CDKAL1: variants seen among roughly 807,000 people sequenced by gnomAD.
CDKAL1 encodes the protein CDKAL1 threonylcarbamoyladenosine tRNA methylthiotransferase.
In CDKAL1, 32 loss-of-function variants were observed where a neutral mutation model predicts 68.2. The observed-to-expected ratio is 0.47, with a 90% CI of 0.35 to 0.63. CDKAL1 has a LOEUF of 0.63. Ranked by LOEUF, CDKAL1 falls within the 30% of genes least tolerant of loss-of-function variation. CDKAL1 has a pLI of 0.00. For synonymous variants in CDKAL1, 234 were observed against 244.3 expected (o/e 0.96, Z 0.39); for missense variants, 606 against 696.7 (o/e 0.87, Z 1.47).
chr6:21,171,936 C>T (rs1028863297), intron 13 of CDKAL1, among the ~76,000 whole-genome samples: 2 of 152,036 alleles, frequency 1.3e-5, no homozygotes, highest in African/African-American at 2.4e-5. Flanking sequence ...TATTTTGCAT[C>T]GATGTTCAGA....
intron 12 of CDKAL1, among the ~76,000 whole-genome samples, chr6:21,079,789 AG>A (rs1445412365): frequency 6.6e-6 from 1 of 152,206 alleles, no homozygotes; most frequent in African/African-American, 2.4e-5. Context: ...ACTCTGAAGT[AG>A]AAACACCAAC....
chr6:20,758,861 G>A (rs576600921), intron 7 of CDKAL1, among the ~76,000 whole-genome samples: 1 of 152,292 alleles, frequency 6.6e-6, no homozygotes, highest in South Asian at 2.1e-4. Flanking sequence ...CAGGCAAAGA[G>A]CAATGGCTTA....
intron 15 of CDKAL1, among the ~76,000 whole-genome samples, chr6:21,215,363 C>T (rs771499966): frequency 6.6e-6 from 1 of 152,144 alleles, no homozygotes; most frequent in Non-Finnish European, 1.5e-5. Context: ...ATGGCCAAGA[C>T]CAGGGACACA....
intron 4 of CDKAL1, among the ~76,000 whole-genome samples, chr6:20,605,241 T>G (rs887603372): frequency 1.3e-5 from 2 of 152,200 alleles, no homozygotes; most frequent in Non-Finnish European, 2.9e-5. Flanking sequence ...AAGGGCAGGA[T>G]GATTAATGGC....
intron 8 of CDKAL1, among the ~76,000 whole-genome samples, chr6:20,794,255 G>A (rs1045175871): frequency 1.3e-5 from 2 of 152,080 alleles, no homozygotes; most frequent in South Asian, 2.1e-4. Flanking sequence ...TAGTAGGTGA[G>A]AAAGAAGTAG....
In CDKAL1 at chr6:20,937,804, G is replaced by A. The variant is rs557033394; in HGVS notation, c.743-17615G>A. On this transcript the variant is annotated intron_variant, in intron 9 of 15. Coordinates refer to ENST00000274695, the MANE Select transcript of CDKAL1 (RefSeq NM_017774.3). ...TGATGTTAAGATTCTCATTACTGGTGGGTTTGATTTTTATTACATAGTTAA... is the reference window on the plus strand; with the variant it reads ...TGATGTTAAGATTCTCATTACTGGTAGGTTTGATTTTTATTACATAGTTAA... Among the ~76,000 whole-genome samples, 12 of 151,616 alleles carry A rather than the reference G, an allele frequency of 7.9e-5. No individual in the cohort carries two copies. The East Asian group carries it at 1.2e-3, about 15-fold the overall frequency.
chr6:20,789,125 A>G (rs1048872004), intron 8 of CDKAL1, among the ~76,000 whole-genome samples: 3 of 152,218 alleles, frequency 2.0e-5, no homozygotes, highest in Admixed American at 6.5e-5. Context: ...AAACAATTAA[A>G]TGTGTGAAAT....
chr6:20,849,929 G>T lies in CDKAL1; in HGVS notation c.742+3751G>T, dbSNP rs186519934. Reference sequence around the variant, plus strand: ...GTAGCATTGTCTTTTTTCTGCAAAAGACATTGAGATTTTAATGCTGTTATA... The same window carrying T: ...GTAGCATTGTCTTTTTTCTGCAAAATACATTGAGATTTTAATGCTGTTATA... On this transcript the variant is annotated intron_variant, in intron 9 of 15. Transcript: ENST00000274695. Among the ~76,000 whole-genome samples the T allele has an allele frequency of 8.7e-4, 132 of 152,236 alleles. 1 individual carries two copies. The highest frequency in any genetic ancestry group is 4.1e-3 in the Admixed American group (62 of 15,292).
chr6:21,093,169 AAG>A (rs1417750950), intron 12 of CDKAL1, among the ~76,000 whole-genome samples: 1 of 152,184 alleles, frequency 6.6e-6, no homozygotes, highest in Non-Finnish European at 1.5e-5. Context: ...ATGCCAAGAC[AAG>A]AGAGAAAAGC....
chr6:20,539,776 T>C lies in CDKAL1; in HGVS notation c.-6+4382T>C, dbSNP rs917247387. On this transcript the variant is annotated intron_variant, in intron 2 of 15. Transcript: ENST00000274695. The surrounding 1 kb of genome is among the most constrained non-coding windows in gnomAD (Gnocchi z 4.3). The stretch of plus-strand genomic sequence containing the variant: ...TTTTTACTCTGATATGGAATACCAC[T>C]GGAAGGGTTTGATTGAGAAGCTTGA... Among the ~76,000 whole-genome samples the C allele has an allele frequency of 6.6e-6, 1 of 152,168 alleles. No homozygotes were observed. The highest frequency in any genetic ancestry group is 1.5e-5 in the Non-Finnish European group (1 of 68,020).
In CDKAL1 at chr6:21,180,673, A is replaced by T. The variant is rs557054281; in HGVS notation, c.1300-17348A>T. Among the ~76,000 whole-genome samples the T allele has an allele frequency of 1.1e-4, 16 of 152,274 alleles. No individual in the cohort carries two copies. The South Asian group carries it at 3.3e-3, about 32-fold the overall frequency. On this transcript the variant is annotated intron_variant, in intron 13 of 15. Transcript: ENST00000274695. ...GTATGAGTCACCCTTAAGGCTACTA[A>T]TTTTGCTCCATTAATTTTTATTCAT...
chr6:21,092,236 G>A (rs1160703058), intron 12 of CDKAL1, among the ~76,000 whole-genome samples: 1 of 144,222 alleles, frequency 6.9e-6, no homozygotes, highest in Non-Finnish European at 1.5e-5. Context: ...GGGGGGGCGG[G>A]GTTTAGATTA....
At chr6:20,555,192 G>A (rs114841675) in intron 4 of CDKAL1, among the ~76,000 whole-genome samples, 1,666 of 152,268 alleles carry the variant, frequency 0.011, 30 homozygotes, top group African/African-American at 0.036. Flanking sequence ...TTCTTTTTTG[G>A]CAAAGGAAAG....
chr6:21,156,506 C>CT (rs368984809), intron 13 of CDKAL1, among the ~76,000 whole-genome samples: 11 of 151,614 alleles, frequency 7.3e-5, no homozygotes, highest in Admixed American at 4.6e-4. Context: ...AGCAGAATCC[C>CT]TTTTTTTCCT....
At chr6:21,192,991 T>A (rs564365920) in intron 13 of CDKAL1, among the ~76,000 whole-genome samples, 58 of 152,128 alleles carry the variant, frequency 3.8e-4, no homozygotes, top group African/African-American at 1.4e-3. Flanking sequence ...TAATTTTTTT[T>A]ATTTTTTTGT....
intron 4 of CDKAL1, among the ~76,000 whole-genome samples, chr6:20,619,438 A>G (rs1767078150): frequency 6.6e-6 from 1 of 152,232 alleles, no homozygotes; most frequent in Non-Finnish European, 1.5e-5. Context: ...AGATTTAGTC[A>G]TTCTGCAATG....
intron 5 of CDKAL1, among the ~76,000 whole-genome samples, chr6:20,697,507 T>C (rs1771158313): frequency 6.6e-6 from 1 of 152,218 alleles, no homozygotes; most frequent in Non-Finnish European, 1.5e-5. Context: ...AAAAAATCAT[T>C]GGTGGACTTG....
intron 12 of CDKAL1, among the ~76,000 whole-genome samples, chr6:21,079,152 A>T (rs1772245349): frequency 6.6e-6 from 1 of 152,156 alleles, no homozygotes. Flanking sequence ...GCGGTGAGAT[A>T]TATTTTTGTT....
At chr6:21,156,424 CAAAAAAAAA>C (rs372631710) in intron 13 of CDKAL1, among the ~76,000 whole-genome samples, 4 of 85,144 alleles carry the variant, frequency 4.7e-5, no homozygotes, top group South Asian at 4.3e-4. Context: ...ACCCTGTCTC[CAAAAAAAAA>C]AAAAAAAAAG....
Sources: allele counts gnomAD v4.1 joint callset (sites outside exome capture counted in the v4.1 genomes callset), GRCh38; gene constraint gnomAD v4.1.1; non-coding constraint Gnocchi (gnomAD v3.1); transcripts MANE v1.5; gene names NCBI Gene and HGNC (gene_info 2026-07-23, HGNC 2026-07-21).